The following SNTG2 variants were observed in gnomAD, a reference collection of about 807,000 sequenced individuals.
SNTG2 encodes the protein syntrophin gamma 2.
A neutral mutation model predicts 70.9 loss-of-function variants in SNTG2; 74 were observed. The ratio of observed to expected loss-of-function variants is 1.04; its 90% CI spans 0.86 to 1.27. SNTG2 has a LOEUF of 1.27. Among genes scored for constraint, SNTG2 ranks in the 50% most tolerant of loss-of-function variants. The pLI is 0.00. For synonymous variants in SNTG2, 278 were observed against 273.8 expected (o/e 1.02, Z -0.15); for missense variants, 717 against 690.7 (o/e 1.04, Z -0.43).
At chr2:1,237,792 A>G (rs1182057558) in intron 9 of SNTG2, 96 bp from the exon 10 acceptor site, 11 of 1,470,846 alleles carry the variant, frequency 7.5e-6, no homozygotes, top group Non-Finnish European at 1.0e-5. Context: ...TCCTGGGTCC[A>G]GGGTAGAGCC....
intron 14 of SNTG2, among the ~76,000 whole-genome samples, chr2:1,267,995 C>T (rs543774894): frequency 6.6e-6 from 1 of 152,306 alleles, no homozygotes; most frequent in South Asian, 2.1e-4. Flanking sequence ...AATGGTTCTT[C>T]CTCTCAAACT....
chr2:1,037,062 C>T (rs544416839), intron 1 of SNTG2, among the ~76,000 whole-genome samples: 5 of 152,364 alleles, frequency 3.3e-5, no homozygotes, highest in African/African-American at 1.2e-4. Context: ...GTCCATGGAG[C>T]ACAAGCAAAG....
rs183325802 is a variant in SNTG2 at position 1,100,633 on chromosome 2, G to A, written c.325+2223G>A. Among the ~76,000 whole-genome samples the A allele has an allele frequency of 1.4e-4, 21 of 152,288 alleles. 2 individuals are homozygous for A. Among genetic ancestry groups the A allele is most frequent in the South Asian group, 8.3e-4 (4 of 4,822 alleles). On this transcript the variant is annotated intron_variant, in intron 4 of 16. Coordinates refer to ENST00000308624, the MANE Select transcript of SNTG2 (RefSeq NM_018968.4). ...TGGGTCCACCGTTGCTGTGTCGGGC[G>A]TGGTTGGTTCTTGTTGCACCCCTGA... is the stretch of plus-strand genomic sequence containing the variant.
At chr2:1,322,869 C>T (rs189642516) in intron 16 of SNTG2, among the ~76,000 whole-genome samples, 1 of 152,164 alleles carries the variant, frequency 6.6e-6, no homozygotes, top group East Asian at 1.9e-4. Context: ...CATGAATATC[C>T]CACCCTCCAC....
intron 9 of SNTG2, among the ~76,000 whole-genome samples, chr2:1,219,554 T>A (rs529889235): frequency 3.9e-5 from 6 of 152,320 alleles, no homozygotes; most frequent in African/African-American, 1.4e-4. Context: ...TGCAACTCTT[T>A]ACAGGAGGAA....
chr2:1,281,421 G>GTGTGTGTGTGTA (rs1475846141), intron 14 of SNTG2, among the ~76,000 whole-genome samples: 1 of 56,076 alleles, frequency 1.8e-5, no homozygotes, highest in East Asian at 4.7e-4. Flanking sequence ...GTGTGTGTGT[G>GTGTGTGTGTGTA]TGTGGTGTGG....
chr2:1,063,180 T>A (rs1040093976), intron 1 of SNTG2, among the ~76,000 whole-genome samples: 1 of 152,024 alleles, frequency 6.6e-6, no homozygotes, highest in East Asian at 1.9e-4. Context: ...AGAAGCATAC[T>A]TTTTTTTAAA....
intron 8 of SNTG2, among the ~76,000 whole-genome samples, chr2:1,208,684 C>T (rs1237449821): frequency 6.6e-6 from 1 of 152,132 alleles, no homozygotes; most frequent in Non-Finnish European, 1.5e-5. Context: ...AGACCCATGA[C>T]CTGGACGCCC....
chr2:971,455 T>G (rs1236400865), intron 1 of SNTG2, among the ~76,000 whole-genome samples: 3 of 152,120 alleles, frequency 2.0e-5, no homozygotes, highest in African/African-American at 2.4e-5. Flanking sequence ...ATAGAGGTGT[T>G]CATAATAGTC....
intron 1 of SNTG2, among the ~76,000 whole-genome samples, chr2:1,009,167 A>G (rs1433170405): frequency 9.7e-6 from 1 of 103,306 alleles, no homozygotes; most frequent in Non-Finnish European, 2.2e-5. Context: ...GTCCCCGGGA[A>G]GACATGCTGG....
intron 1 of SNTG2, among the ~76,000 whole-genome samples, chr2:1,072,332 CTTTTCT>C (rs1185446798): frequency 6.0e-5 from 6 of 100,396 alleles, no homozygotes; most frequent in African/African-American, 1.2e-4. Context: ...TTTTCTTTTT[CTTTTCT>C]TTTTCTTTTT....
intron 16 of SNTG2, among the ~76,000 whole-genome samples, chr2:1,340,794 A>G (rs1660044198): frequency 6.6e-6 from 1 of 152,204 alleles, no homozygotes; most frequent in South Asian, 2.1e-4. Context: ...TTTGTTATTA[A>G]TAATTCATTG....
intron 4 of SNTG2, among the ~76,000 whole-genome samples, chr2:1,105,371 C>T (rs763376969): frequency 9.9e-5 from 15 of 152,184 alleles, no homozygotes; most frequent in Non-Finnish European, 1.9e-4. Flanking sequence ...TGATGTTCTG[C>T]ATGAGGTCCA....
intron 11 of SNTG2, among the ~76,000 whole-genome samples, chr2:1,244,424 C>T (rs1279108195): frequency 1.3e-5 from 2 of 151,910 alleles, no homozygotes; most frequent in Non-Finnish European, 2.9e-5. Context: ...AGGCCGGGCG[C>T]GGGGGCTCAC....
intron 14 of SNTG2, among the ~76,000 whole-genome samples, chr2:1,281,957 T>A (rs1478778995): frequency 2.0e-5 from 3 of 152,154 alleles, no homozygotes; most frequent in African/African-American, 2.4e-5. Flanking sequence ...CTTGTGACCT[T>A]GCTACCACTT....
At chr2:1,114,038 A>C (rs7422414) in intron 4 of SNTG2, among the ~76,000 whole-genome samples, 1 of 147,830 alleles carries the variant, frequency 6.8e-6, no homozygotes, top group East Asian at 2.1e-4. Flanking sequence ...GATCGTGTGT[A>C]CTAAGTGAGG....
At chr2:1,355,222 A>G (rs1660781791) in intron 16 of SNTG2, among the ~76,000 whole-genome samples, 1 of 152,130 alleles carries the variant, frequency 6.6e-6, no homozygotes, top group Admixed American at 6.5e-5. Flanking sequence ...ATGACATGAG[A>G]TTTACTCTCT....
At chr2:1,072,337 CTTTTTCTTTTTCT>C in intron 1 of SNTG2, among the ~76,000 whole-genome samples, 1 of 120,664 alleles carries the variant, frequency 8.3e-6, no homozygotes, top group Non-Finnish European at 1.7e-5. Context: ...TTTTTCTTTT[CTTTTTCTTTTTCT>C]TTTTTTTTTT....
intron 3 of SNTG2, 28 bp from the exon 4 acceptor site, chr2:1,098,325 G>A (rs1055431459): frequency 8.7e-6 from 14 of 1,613,700 alleles, no homozygotes; most frequent in African/African-American, 1.3e-5. Context: ...TGATAACCAC[G>A]TTTCTTTCTG....
Sources: gnomAD v4.1 joint callset for allele counts (sites outside exome capture counted in the v4.1 genomes callset) on GRCh38, gnomAD v4.1.1 for gene constraint, MANE v1.5 for transcripts, NCBI Gene and HGNC (gene_info 2026-07-23, HGNC 2026-07-21) for gene names.